The following PIK3C2G variants were observed in gnomAD, a reference collection of about 807,000 sequenced individuals.
PIK3C2G encodes phosphatidylinositol 3-kinase C2 domain-containing subunit gamma.
PIK3C2G carries 168 observed loss-of-function variants against 181.1 expected under a neutral mutation model. The ratio of observed to expected loss-of-function variants is 0.93; its 90% CI spans 0.82 to 1.05. PIK3C2G has a LOEUF of 1.05. PIK3C2G is among the 50% of genes least tolerant of loss of function. The probability of loss-of-function intolerance (pLI) is 0.00; values close to 1 mark genes in which losing one functional copy is unlikely to be tolerated. For synonymous variants in PIK3C2G, 573 were observed against 592.2 expected (o/e 0.97, Z 0.47); for missense variants, 1,869 against 1,732.8 (o/e 1.08, Z -1.40).
Position 18,362,753 on chromosome 12 carries a change from T to C in PIK3C2G, c.1626-11T>C, listed in dbSNP as rs1328513254. On this transcript the variant is annotated splice_polypyrimidine_tract_variant and intron_variant, in intron 11 of 32. Coordinates refer to ENST00000538779, the MANE Select transcript of PIK3C2G (RefSeq NM_001288772.2). ...TGCTAAGCATATTGAATTGATGTTG[T>C]TTCATTTTAGCTACAAAGCGTTTTC... The C allele has an allele frequency of 6.7e-7, 1 of 1,503,526 alleles. No individual in the cohort carries two copies. The highest frequency in any genetic ancestry group is 8.8e-7 in the Non-Finnish European group (1 of 1,136,258). The allele number at this position is 1,503,526 out of a possible 1,614,324, so 93.1% of individuals were successfully genotyped here.
At chr12:18,379,273 C>G (rs1942673323) in intron 13 of PIK3C2G, among the ~76,000 whole-genome samples, 1 of 148,546 alleles carries the variant, frequency 6.7e-6, no homozygotes, top group African/African-American at 2.5e-5. Flanking sequence ...CACAAAAAAC[C>G]AAACACCACA....
chr12:18,268,343 T>C (rs1282003093), intron 1 of PIK3C2G, among the ~76,000 whole-genome samples: 1 of 152,176 alleles, frequency 6.6e-6, no homozygotes, highest in South Asian at 2.1e-4. Context: ...GATACCATTC[T>C]ACAGCAAGTC....
intron 25 of PIK3C2G, among the ~76,000 whole-genome samples, chr12:18,541,363 G>A (rs1456964101): frequency 6.6e-6 from 1 of 151,860 alleles, no homozygotes; most frequent in Non-Finnish European, 1.5e-5. Context: ...AGTAACATCT[G>A]TAGGAGACCC....
chr12:18,581,326 AAAAT>A (rs553892934), intron 29 of PIK3C2G, among the ~76,000 whole-genome samples: 273 of 152,348 alleles, frequency 1.8e-3, no homozygotes, highest in African/African-American at 6.4e-3. Flanking sequence ...GACAGTGAAA[AAAAT>A]ACATACATAA....
Position 18,295,954 on chromosome 12 carries a change from C to A in PIK3C2G, c.1034+1939C>A, listed in dbSNP as rs190763031. Among the ~76,000 whole-genome samples, 23 of 152,084 alleles carry A rather than the reference C, an allele frequency of 1.5e-4. No individual in the cohort carries two copies. The East Asian group carries it at 4.3e-3, about 28-fold the overall frequency. On this transcript the variant is annotated intron_variant, in intron 5 of 32. Coordinates refer to ENST00000538779, the MANE Select transcript of PIK3C2G (RefSeq NM_001288772.2). ...TCTGTTCATAAAGCTCTTCTTTATA[C>A]AGAGAACACAGGTAGCATGTAATAA... is the stretch of plus-strand genomic sequence containing the variant.
At chr12:18,454,607 C>A (rs1477785772) in intron 18 of PIK3C2G, among the ~76,000 whole-genome samples, 2 of 152,078 alleles carry the variant, frequency 1.3e-5, no homozygotes, top group Non-Finnish European at 2.9e-5. Context: ...ACTTTGCCTG[C>A]TGTTTTGAGA....
At chr12:18,252,414 C>A (rs770208093) in intron 1 of PIK3C2G, among the ~76,000 whole-genome samples, 10 of 152,154 alleles carry the variant, frequency 6.6e-5, no homozygotes, top group South Asian at 4.1e-4. Flanking sequence ...AAACTAATAT[C>A]TTTTCCTCAC....
chr12:18,481,584 T>G (rs1939564351), intron 18 of PIK3C2G, among the ~76,000 whole-genome samples: 2 of 152,308 alleles, frequency 1.3e-5, no homozygotes, highest in Admixed American at 1.3e-4. Context: ...GACAACTAAT[T>G]GTGATAGTAT....
rs1949424805 is a variant in PIK3C2G at position 18,633,192 on chromosome 12, T to A, written c.4183-7237T>A. Among the ~76,000 whole-genome samples the A allele has an allele frequency of 2.6e-5, 4 of 152,304 alleles. No individual in the cohort carries two copies. The South Asian group carries it at 8.3e-4, about 32-fold the overall frequency. On this transcript the variant is annotated intron_variant, in intron 31 of 32. Coordinates refer to ENST00000538779, the MANE Select transcript of PIK3C2G (RefSeq NM_001288772.2). ...ATATTTCATTGTTTAAATACTATGA[T>A]GTAAAATGAATAATGCTTAAATACT...
At chr12:18,610,335 C>A (rs1341770418) in intron 31 of PIK3C2G, among the ~76,000 whole-genome samples, 4 of 152,074 alleles carry the variant, frequency 2.6e-5, no homozygotes, top group African/African-American at 9.7e-5. Context: ...GTCAGTAACA[C>A]AATTTTTGCT....
chr12:18,359,633 A>G (rs1316826089), intron 11 of PIK3C2G, among the ~76,000 whole-genome samples: 1 of 152,044 alleles, frequency 6.6e-6, no homozygotes, highest in Non-Finnish European at 1.5e-5. Context: ...GGGTGTTCTG[A>G]CGTTGGGTAC....
At chr12:18,716,004 C>T in the PIK3C2G span, among the ~76,000 whole-genome samples, 1 of 152,228 alleles carries the variant, frequency 6.6e-6, no homozygotes, top group African/African-American at 2.4e-5. Flanking sequence ...GTTCTAAATT[C>T]GGCTACATTT....
chr12:18,327,508 T>G, intron 8 of PIK3C2G, among the ~76,000 whole-genome samples: 1 of 152,084 alleles, frequency 6.6e-6, no homozygotes, highest in East Asian at 1.9e-4. Context: ...TGACAATTAT[T>G]ATTTCAACAT....
In PIK3C2G at chr12:18,412,469, C is replaced by T. The variant is rs572226315; in HGVS notation, c.2316-8472C>T. 1.1e-3 allele frequency among the ~76,000 whole-genome samples: 166 copies of T among 152,158 alleles called. 1 individual carries two copies. The highest frequency in any genetic ancestry group is 3.3e-3 in the African/African-American group (138 of 41,520). On this transcript the variant is annotated intron_variant, in intron 16 of 32. Transcript: ENST00000538779. ...ATTTAAAATAAGGCAACAGATTTAA[C>T]GTGGAAGCAGTAAGAGAATCCAGCT...
chr12:18,478,633 G>T (rs1939238547), intron 18 of PIK3C2G, among the ~76,000 whole-genome samples: 1 of 152,132 alleles, frequency 6.6e-6, no homozygotes, highest in Non-Finnish European at 1.5e-5. Context: ...TTATTTTAGT[G>T]GGCTGTGTAA....
chr12:18,399,338 T>G (rs1197085720), intron 15 of PIK3C2G, among the ~76,000 whole-genome samples: 1 of 151,650 alleles, frequency 6.6e-6, no homozygotes, highest in Non-Finnish European at 1.5e-5. Flanking sequence ...AAAACTTGGT[T>G]TTCCCTAGAG....
chr12:18,723,429 G>A, the PIK3C2G span: 4 of 1,612,918 alleles, frequency 2.5e-6, no homozygotes, highest in Non-Finnish European at 3.4e-6. Context: ...GAATTTTCCG[G>A]TTTTCAGAAT....
At chr12:18,643,650 G>T (rs933802886) in intron 32 of PIK3C2G, among the ~76,000 whole-genome samples, 11 of 151,306 alleles carry the variant, frequency 7.3e-5, no homozygotes, top group African/African-American at 2.7e-4. Context: ...CTTGCCCTCA[G>T]TTGTGATGTA....
chr12:18,593,911 T>C (rs2136489217), intron 29 of PIK3C2G, among the ~76,000 whole-genome samples: 1 of 151,956 alleles, frequency 6.6e-6, no homozygotes, highest in East Asian at 2.0e-4. Context: ...TATCCCCTGA[T>C]TCTCTCTCTT....
Sources: allele counts gnomAD v4.1 joint callset (sites outside exome capture counted in the v4.1 genomes callset), GRCh38; gene constraint gnomAD v4.1.1; transcripts MANE v1.5; gene names NCBI Gene and HGNC (gene_info 2026-07-23, HGNC 2026-07-21).